The following CNTNAP5 variants were observed in gnomAD, a reference collection of about 807,000 sequenced individuals.
The protein encoded by CNTNAP5 is contactin associated protein family member 5.
CNTNAP5 carries 72 observed loss-of-function variants against 150.2 expected under a neutral mutation model. That is an observed-to-expected ratio of 0.48 (90% confidence interval 0.40 to 0.58). CNTNAP5 has a LOEUF of 0.58. Among genes scored for constraint, CNTNAP5 ranks in the 20% least tolerant of loss-of-function variants. CNTNAP5 has a pLI of 0.00. For missense variants in CNTNAP5, 1,636 were observed against 1,626.2 expected (o/e 1.01, Z -0.10); for synonymous variants, 672 against 619.8 (o/e 1.08, Z -1.25).
intron 3 of CNTNAP5, among the ~76,000 whole-genome samples, chr2:124,268,950 C>T (rs1467833118): frequency 2.0e-5 from 3 of 152,052 alleles, no homozygotes; most frequent in African/African-American, 7.2e-5. Flanking sequence ...CAAGTTCGCT[C>T]ATAGCCTGCC....
At chr2:124,471,424 A>G (rs1032293288) in intron 6 of CNTNAP5, among the ~76,000 whole-genome samples, 1 of 152,204 alleles carries the variant, frequency 6.6e-6, no homozygotes, top group African/African-American at 2.4e-5. Flanking sequence ...TTGTATTATG[A>G]GACTTTGCTG....
chr2:124,872,067 C>T (rs1426405624), intron 21 of CNTNAP5, among the ~76,000 whole-genome samples: 1 of 152,104 alleles, frequency 6.6e-6, no homozygotes, highest in East Asian at 1.9e-4. Context: ...ATTCATTTGG[C>T]TTTAGCATCA....
At chr2:124,574,376 A>G (rs1696229947) in intron 11 of CNTNAP5, among the ~76,000 whole-genome samples, 1 of 152,224 alleles carries the variant, frequency 6.6e-6, no homozygotes, top group Non-Finnish European at 1.5e-5. Context: ...TCAGAATAAG[A>G]ATGTGATATA....
intron 3 of CNTNAP5, among the ~76,000 whole-genome samples, chr2:124,397,954 A>G (rs1365846087): frequency 6.6e-6 from 1 of 152,216 alleles, no homozygotes; most frequent in Non-Finnish European, 1.5e-5. Flanking sequence ...GCTCAAAGGA[A>G]ATAATTTCAT....
chr2:124,028,627 T>C (rs1046208494), intron 1 of CNTNAP5, among the ~76,000 whole-genome samples: 3 of 152,122 alleles, frequency 2.0e-5, no homozygotes, highest in Non-Finnish European at 4.4e-5. Flanking sequence ...AATGTAGATA[T>C]AGTAGGCCAA....
chr2:124,478,903 A>T (rs947289885), intron 7 of CNTNAP5, among the ~76,000 whole-genome samples: 1 of 152,184 alleles, frequency 6.6e-6, no homozygotes, highest in Admixed American at 6.5e-5. Context: ...CCTTTGCCTA[A>T]CCTAACGTAT....
intron 1 of CNTNAP5, among the ~76,000 whole-genome samples, chr2:124,173,205 T>C (rs1012921580): frequency 6.6e-6 from 1 of 152,158 alleles, no homozygotes; most frequent in African/African-American, 2.4e-5. Flanking sequence ...TCCCTCTCCT[T>C]GGGCCTCCTT....
At chr2:124,358,980 G>T (rs1258160830) in intron 3 of CNTNAP5, among the ~76,000 whole-genome samples, 5 of 149,966 alleles carry the variant, frequency 3.3e-5, no homozygotes, top group Non-Finnish European at 7.4e-5. Context: ...CACAATTTCA[G>T]CTCCTGTTAT....
intron 17 of CNTNAP5, among the ~76,000 whole-genome samples, chr2:124,776,426 C>A (rs146215083): frequency 6.6e-6 from 1 of 152,266 alleles, no homozygotes; most frequent in African/African-American, 2.4e-5. Flanking sequence ...GCTGTTCTTG[C>A]TTCCAGGCTG....
intron 10 of CNTNAP5, among the ~76,000 whole-genome samples, chr2:124,553,253 C>T (rs1395222277): frequency 1.3e-5 from 2 of 152,122 alleles, no homozygotes; most frequent in African/African-American, 4.8e-5. Flanking sequence ...CCTGCAATCC[C>T]AGTACTTTGG....
chr2:124,540,596 T>G (rs1306868115), intron 10 of CNTNAP5, among the ~76,000 whole-genome samples: 1 of 152,216 alleles, frequency 6.6e-6, no homozygotes, highest in African/African-American at 2.4e-5. Flanking sequence ...ACAGAGAGTT[T>G]TTGATCTTAG....
At chr2:124,194,608 A>C (rs1685539486) in intron 1 of CNTNAP5, among the ~76,000 whole-genome samples, 1 of 150,750 alleles carries the variant, frequency 6.6e-6, no homozygotes, top group African/African-American at 2.4e-5. Flanking sequence ...ATTTGGAAAA[A>C]CTGAATCCAC....
intron 1 of CNTNAP5, among the ~76,000 whole-genome samples, chr2:124,081,364 A>C (rs1682555883): frequency 6.6e-6 from 1 of 152,124 alleles, no homozygotes; most frequent in Non-Finnish European, 1.5e-5. Flanking sequence ...TTTCTTCCTC[A>C]GGGGAAATAT....
At chr2:124,389,910 G>A (rs921142236) in intron 3 of CNTNAP5, among the ~76,000 whole-genome samples, 8 of 152,018 alleles carry the variant, frequency 5.3e-5, no homozygotes, top group Admixed American at 2.6e-4. Flanking sequence ...AGGCTGCAGC[G>A]AGCCACGATT....
intron 1 of CNTNAP5, among the ~76,000 whole-genome samples, chr2:124,192,129 T>C (rs1319322667): frequency 6.6e-6 from 1 of 152,162 alleles, no homozygotes; most frequent in East Asian, 1.9e-4. Flanking sequence ...TGCTCCATTT[T>C]TCCCCTGCTC....
intron 3 of CNTNAP5, among the ~76,000 whole-genome samples, chr2:124,335,019 T>C (rs1271230120): frequency 6.6e-6 from 1 of 152,128 alleles, no homozygotes; most frequent in Non-Finnish European, 1.5e-5. Flanking sequence ...GTGCAGAAGA[T>C]GCAGTTGCCA....
intron 12 of CNTNAP5, among the ~76,000 whole-genome samples, chr2:124,632,021 T>C (rs1329655971): frequency 6.6e-6 from 1 of 151,926 alleles, no homozygotes; most frequent in Non-Finnish European, 1.5e-5. Context: ...AGATACTATC[T>C]CACACTCATC....
chr2:124,768,271 ATGTG>A (rs10598326), intron 16 of CNTNAP5, among the ~76,000 whole-genome samples: 64,390 of 131,116 alleles, frequency 0.49, 14,345 homozygotes, highest in East Asian at 0.8. Context: ...TACTGTATGT[ATGTG>A]TGTGTGTGTG....
intron 19 of CNTNAP5, among the ~76,000 whole-genome samples, chr2:124,827,339 C>T (rs940409903): frequency 6.6e-6 from 1 of 152,152 alleles, no homozygotes; most frequent in African/African-American, 2.4e-5. Context: ...ATGGATTCCC[C>T]TCAAATCTCA....
Sources: gnomAD v4.1 joint callset for allele counts (sites outside exome capture counted in the v4.1 genomes callset) on GRCh38, gnomAD v4.1.1 for gene constraint, MANE v1.5 for transcripts, NCBI Gene and HGNC (gene_info 2026-07-23, HGNC 2026-07-21) for gene names.